RYR2: variants seen among roughly 807,000 people sequenced by gnomAD.
RYR2 encodes the protein cardiac muscle ryanodine receptor-calcium release channel.
In RYR2, 227 loss-of-function variants were observed where a neutral mutation model predicts 601.1. The observed-to-expected ratio is 0.38, with a 90% CI of 0.34 to 0.42. The LOEUF (loss-of-function observed/expected upper bound fraction) is 0.42, where lower values mean the gene tolerates loss of function less well. Among genes scored for constraint, RYR2 ranks in the 10% least tolerant of loss-of-function variants. The probability of loss-of-function intolerance (pLI) is 1.00; values close to 1 mark genes in which losing one functional copy is unlikely to be tolerated. For synonymous variants in RYR2, 2,223 were observed against 2,175.1 expected (o/e 1.02, Z -0.61); for missense variants, 4,646 against 6,156.5 (o/e 0.75, Z 8.21).
chr1:237,628,993 A>C (rs1203767810), intron 41 of RYR2, among the ~76,000 whole-genome samples: 1 of 152,192 alleles, frequency 6.6e-6, no homozygotes, highest in Non-Finnish European at 1.5e-5. Flanking sequence ...AAGAGTGAGG[A>C]TAAAACAAAG....
intron 1 of RYR2, among the ~76,000 whole-genome samples, chr1:237,050,537 T>G (rs1661125680): frequency 6.6e-6 from 1 of 152,220 alleles, no homozygotes; most frequent in African/African-American, 2.4e-5. Context: ...TTTTTTCCTT[T>G]AACATTTTTG....
chr1:237,536,714 C>CA (rs71561885), intron 25 of RYR2, among the ~76,000 whole-genome samples: 15,478 of 54,248 alleles, frequency 0.29, 3,426 homozygotes, highest in Admixed American at 0.36. Flanking sequence ...GATTCCGTCT[C>CA]AAAAAAAAAA....
chr1:237,364,291 A>AT (rs1368440433), intron 4 of RYR2, 67 bp from the exon 5 acceptor site: 2 of 1,451,166 alleles, frequency 1.4e-6, no homozygotes, highest in African/African-American at 2.8e-5. Flanking sequence ...AATAAGAGAT[A>AT]TTTTTAAGGA....
intron 1 of RYR2, among the ~76,000 whole-genome samples, chr1:237,054,975 C>T (rs1661798442): frequency 1.3e-5 from 2 of 152,150 alleles, no homozygotes; most frequent in South Asian, 4.1e-4. Context: ...GCCGGGAGCA[C>T]TGTTTCCTTT....
intron 24 of RYR2, among the ~76,000 whole-genome samples, chr1:237,528,354 T>C (rs941217193): frequency 3.3e-5 from 5 of 152,160 alleles, no homozygotes; most frequent in Admixed American, 6.5e-5. Flanking sequence ...GTATGTATCA[T>C]AGTATGTATG....
chr1:237,558,931 T>G (rs1183320258), intron 27 of RYR2, among the ~76,000 whole-genome samples: 2 of 152,096 alleles, frequency 1.3e-5, no homozygotes, highest in Non-Finnish European at 2.9e-5. Context: ...CTCCAGAAAT[T>G]TTTATTCTTT....
In RYR2 at chr1:237,067,580, T is replaced by C. The variant is rs189666993; in HGVS notation, c.48+25011T>C. 3.3e-4 allele frequency among the ~76,000 whole-genome samples: 50 copies of C among 152,360 alleles called. No individual in the cohort carries two copies. The East Asian group carries it at 6.6e-3, about 20-fold the overall frequency. ...GTGTTTTCTCTCATTTAATTCCTCT[T>C]TTTCAAAATTGTTTTACCATTTCCT... On this transcript the variant is annotated intron_variant, in intron 1 of 104. Transcript: ENST00000366574.
chr1:237,438,827 T>A (rs1707640453), intron 12 of RYR2, among the ~76,000 whole-genome samples: 1 of 152,240 alleles, frequency 6.6e-6, no homozygotes, highest in Non-Finnish European at 1.5e-5. Flanking sequence ...TTGAGAGATC[T>A]ACTTTTCAAT....
At chr1:237,796,399 G>A (rs900345053) in intron 96 of RYR2, among the ~76,000 whole-genome samples, 2 of 152,278 alleles carry the variant, frequency 1.3e-5, no homozygotes, top group South Asian at 4.1e-4. Flanking sequence ...CAGGGAATGT[G>A]AGGACACAGT....
chr1:237,378,152 C>A (rs1344988215), intron 8 of RYR2, among the ~76,000 whole-genome samples: 1 of 152,158 alleles, frequency 6.6e-6, no homozygotes, highest in African/African-American at 2.4e-5. Context: ...CTTTTTAAAA[C>A]CATTAGATCT....
intron 16 of RYR2, among the ~76,000 whole-genome samples, chr1:237,457,447 T>C (rs1301234228): frequency 6.6e-6 from 1 of 152,180 alleles, no homozygotes; most frequent in Non-Finnish European, 1.5e-5. Flanking sequence ...TTACCCTATT[T>C]GCAAGCTAGT....
chr1:237,479,101 T>C (rs757134713), intron 17 of RYR2, among the ~76,000 whole-genome samples: 2 of 152,206 alleles, frequency 1.3e-5, no homozygotes, highest in African/African-American at 2.4e-5. Flanking sequence ...TGGCGAATGA[T>C]TCAAAATACT....
chr1:237,765,943 A>G (rs1010265521), intron 84 of RYR2, among the ~76,000 whole-genome samples: 2 of 152,190 alleles, frequency 1.3e-5, no homozygotes, highest in African/African-American at 4.8e-5. Flanking sequence ...ATATAAAGGA[A>G]TTTAGGTGGA....
chr1:237,501,511 G>A (rs1664633878), intron 21 of RYR2, among the ~76,000 whole-genome samples: 1 of 152,118 alleles, frequency 6.6e-6, no homozygotes, highest in South Asian at 2.1e-4. Context: ...TTCTGCAAAT[G>A]AAACTTTAAT....
intron 25 of RYR2, among the ~76,000 whole-genome samples, chr1:237,547,242 G>A (rs915455833): frequency 6.6e-6 from 1 of 151,922 alleles, no homozygotes; most frequent in African/African-American, 2.4e-5. Context: ...CTGGCCTCAT[G>A]TGATCCACCC....
At chr1:237,216,752 C>CAA (rs11316763) in intron 1 of RYR2, among the ~76,000 whole-genome samples, 5 of 110,932 alleles carry the variant, frequency 4.5e-5, no homozygotes, top group Admixed American at 9.3e-5. Context: ...CACCCCCCAC[C>CAA]AAAAAAAAAA....
chr1:237,167,708 C>CTTTTT (rs11288225), intron 1 of RYR2, among the ~76,000 whole-genome samples: 6 of 101,106 alleles, frequency 5.9e-5, no homozygotes, highest in Non-Finnish European at 7.5e-5. Context: ...GATCCACCTC[C>CTTTTT]TTTTTTTTTT....
intron 2 of RYR2, among the ~76,000 whole-genome samples, chr1:237,328,933 A>G (rs184615135): frequency 5.7e-4 from 87 of 152,260 alleles, no homozygotes; most frequent in African/African-American, 2.0e-3. Context: ...TGTTTAATGT[A>G]TTTGTAATGT....
intron 99 of RYR2, among the ~76,000 whole-genome samples, chr1:237,806,698 G>A (rs2149439160): frequency 6.6e-6 from 1 of 152,274 alleles, no homozygotes; most frequent in South Asian, 2.1e-4. Context: ...TGTATTCGTT[G>A]TAAAATATGA....
Sources: allele counts gnomAD v4.1 joint callset (sites outside exome capture counted in the v4.1 genomes callset), GRCh38; gene constraint gnomAD v4.1.1; transcripts MANE v1.5; gene names NCBI Gene and HGNC (gene_info 2026-07-23, HGNC 2026-07-21).